The following PELP1 variants were observed in gnomAD, a reference collection of about 807,000 sequenced individuals.
PELP1 encodes the protein proline-, glutamic acid- and leucine-rich protein 1.
PELP1 carries 32 observed loss-of-function variants against 95.5 expected under a neutral mutation model. The observed-to-expected ratio is 0.34, with a 90% confidence interval of 0.25 to 0.45. PELP1 has a LOEUF of 0.45. Ranked by LOEUF, PELP1 falls within the 20% of genes least tolerant of loss-of-function variation. PELP1 has a pLI of 1.00. For missense variants in PELP1, 1,358 were observed against 1,444.8 expected, an observed-to-expected ratio of 0.94 and a Z score of 0.97; for synonymous variants, 668 against 600.1, an observed-to-expected ratio of 1.11 and a Z score of -1.65.
In PELP1 at chr17:4,671,428, G is replaced by T; in HGVS notation, c.*11C>A. 2 of 1,287,616 alleles carry T rather than the reference G, an allele frequency of 1.6e-6. No individual in the cohort carries two copies. Among genetic ancestry groups the T allele is most frequent in the Non-Finnish European group, 2.3e-6 (2 of 881,610 alleles). 79.8% of individuals were successfully genotyped at this position (1,287,616 alleles called of 1,614,324 possible). A position where few individuals can be genotyped will look rare whatever the true frequency, so the allele number is the denominator to read the frequency against. ...CTTTATTGGAAACAAAGAGTGGGGTGCAGAAGATGGCTAGGAGTCAGGCTC... is the reference window on the plus strand; with the variant it reads ...CTTTATTGGAAACAAAGAGTGGGGTTCAGAAGATGGCTAGGAGTCAGGCTC... On this transcript the variant is annotated 3_prime_UTR_variant, in exon 17 of 17. Transcript: ENST00000572293.
At chr17:4,696,336 A>G (rs1913296387) in intron 1 of PELP1, among the ~76,000 whole-genome samples, 1 of 152,194 alleles carries the variant, frequency 6.6e-6, no homozygotes, top group African/African-American at 2.4e-5. Flanking sequence ...CTGTCTCAAA[A>G]AAGAAAAATA....
intron 1 of PELP1, among the ~76,000 whole-genome samples, chr17:4,693,478 G>A (rs983289284): frequency 1.3e-5 from 2 of 152,160 alleles, no homozygotes; most frequent in South Asian, 4.1e-4. Context: ...CACAGTAAGA[G>A]ATTAACAACC....
At chr17:4,671,617 A>G in intron 16 of PELP1, 74 bp downstream of exon 16, 1 of 1,602,366 alleles carries the variant, frequency 6.2e-7, no homozygotes, top group Non-Finnish European at 8.5e-7. Context: ...CTCTCCTAAG[A>G]GAAGCAGCTG....
chr17:4,691,062 T>C, intron 2 of PELP1, 69 bp from the exon 3 acceptor site: 3 of 1,088,888 alleles, frequency 2.8e-6, no homozygotes, highest in Non-Finnish European at 4.2e-6. Context: ...ACTGCTCTTT[T>C]ATTCTCACTA....
At chr17:4,700,310 C>A (rs1913472254) in intron 1 of PELP1, among the ~76,000 whole-genome samples, 1 of 152,016 alleles carries the variant, frequency 6.6e-6, no homozygotes, top group African/African-American at 2.4e-5. Context: ...GAGGCTGAGG[C>A]AGGAAGATTT....
In PELP1 at chr17:4,704,091, A is replaced by G. The variant is rs1300796605; in HGVS notation, c.21T>C (p.Ser7=). The G allele has an allele frequency of 2.3e-5, 37 of 1,609,272 alleles. 1 individual carries two copies. The highest frequency in any genetic ancestry group is 2.9e-5 in the Non-Finnish European group (34 of 1,178,618). ...CAGCCGCGGAGCCCGCAGAGGGCCC[A>G]CTCAGAACGGCTGCCGCCATCTTCC... The part of the protein sequence containing the change: MAAAVL[S]GPSAGSAAGV... The change falls in exon 1 of 17, where the codon AGT becomes AGC. Residue 7 remains serine (S), a synonymous_variant. Transcript: ENST00000572293.
At chr17:4,695,398 C>T (rs7223678) in intron 1 of PELP1, among the ~76,000 whole-genome samples, 148,689 of 152,072 alleles carry the variant, frequency 0.98, 72,771 homozygotes, top group Middle Eastern at 1. Flanking sequence ...TGGCCAGGCA[C>T]GGTGGCCTAT....
intron 1 of PELP1, among the ~76,000 whole-genome samples, chr17:4,702,476 G>A (rs1472559504): frequency 6.6e-6 from 1 of 152,120 alleles, no homozygotes; most frequent in Non-Finnish European, 1.5e-5. Context: ...AAACCCCACT[G>A]TAATATAACT....
At chr17:4,688,700 G>A (rs537348275) in intron 3 of PELP1, among the ~76,000 whole-genome samples, 29 of 152,244 alleles carry the variant, frequency 1.9e-4, no homozygotes, top group African/African-American at 6.3e-4. Context: ...AATCACAGAC[G>A]ACACAAACAA....
intron 3 of PELP1, among the ~76,000 whole-genome samples, chr17:4,684,031 T>C (rs1045568199): frequency 3.3e-5 from 5 of 151,886 alleles, no homozygotes; most frequent in African/African-American, 9.7e-5. Flanking sequence ...GTGCCATCTC[T>C]TCGAGGTTGT....
At chr17:4,700,915 T>G in intron 1 of PELP1, among the ~76,000 whole-genome samples, 1 of 107,608 alleles carries the variant, frequency 9.3e-6, no homozygotes, top group African/African-American at 3.6e-5. Context: ...TGAGTTAGAG[T>G]AAGGCCCTAT....
chr17:4,672,055 G>A lies in PELP1; in HGVS notation c.2936C>T (p.Pro979Leu). Residue 979 changes from proline to leucine, a missense_variant, in exon 16 of 17, where the codon CCC (proline) becomes CTC (leucine). Coordinates refer to ENST00000572293, the MANE Select transcript of PELP1 (RefSeq NM_014389.3). Reference protein sequence around the residue: ...GGEVEEGAPPPPTLPPALPPP... With the variant: ...GGEVEEGAPPLPTLPPALPPP... ...AGGCAGAGCTGGAGGCAGGGTTGGGGGTGGAGGTGCACCTTCTTCTACCTC... is the reference window on the plus strand; with the variant it reads ...AGGCAGAGCTGGAGGCAGGGTTGGGAGTGGAGGTGCACCTTCTTCTACCTC... 6.4e-7 allele frequency: 1 copy of A among 1,564,544 alleles called. No homozygotes were observed. The highest frequency in any genetic ancestry group is 1.4e-5 in the African/African-American group (1 of 73,934).
intron 1 of PELP1, among the ~76,000 whole-genome samples, chr17:4,694,226 G>T (rs2150564312): frequency 6.6e-6 from 1 of 152,220 alleles, no homozygotes; most frequent in Non-Finnish European, 1.5e-5. Flanking sequence ...GGAGGGCTTG[G>T]TGGGCAATGG....
chr17:4,703,826 C>T (rs751434393), intron 1 of PELP1, 37 bp downstream of exon 1: 7 of 1,568,536 alleles, frequency 4.5e-6, no homozygotes, highest in African/African-American at 4.1e-5. Context: ...GCGCCATCCT[C>T]CCCACAGGGC....
At chr17:4,674,713 A>T (rs2150553826) in intron 12 of PELP1, 44 bp from the exon 13 acceptor site, 2 of 1,587,020 alleles carry the variant, frequency 1.3e-6, no homozygotes, top group East Asian at 4.5e-5. Context: ...GGCAAACAAC[A>T]AGGCAAGACA....
At chr17:4,688,615 A>G (rs1311268955) in intron 3 of PELP1, among the ~76,000 whole-genome samples, 2 of 152,186 alleles carry the variant, frequency 1.3e-5, no homozygotes, top group Non-Finnish European at 2.9e-5. Flanking sequence ...AAATAAAATA[A>G]AATACTTAGG....
chr17:4,686,919 T>C (rs566546844), intron 3 of PELP1, among the ~76,000 whole-genome samples: 21 of 152,176 alleles, frequency 1.4e-4, no homozygotes, highest in Non-Finnish European at 2.4e-4. Flanking sequence ...ACCCTTAGCA[T>C]GGTCTATAAG....
intron 1 of PELP1, among the ~76,000 whole-genome samples, chr17:4,694,219 G>A (rs979897833): frequency 1.8e-4 from 28 of 152,216 alleles, no homozygotes; most frequent in African/African-American, 6.5e-4. Flanking sequence ...CAGCCAGGGA[G>A]GGCTTGGTGG....
At position 4,675,599 on chromosome 17, in the gene PELP1, C is replaced by T. The variant is rs909629719; in HGVS notation, c.1068+198G>A. On this transcript the variant is annotated intron_variant, in intron 9 of 16. Coordinates refer to ENST00000572293, the MANE Select transcript of PELP1 (RefSeq NM_014389.3). This position sits in a 1 kb window ranked among gnomAD's most constrained non-coding sequence, Gnocchi z 4.3. Reference sequence around the variant, plus strand: ...GCTGATCCCCAAATTCACCCTCCCCCAAGGAAGCATTTGCTACACTCTGAC... The same window carrying T: ...GCTGATCCCCAAATTCACCCTCCCCTAAGGAAGCATTTGCTACACTCTGAC... The T allele has an allele frequency of 5.6e-6, 4 of 710,400 alleles. No homozygotes were observed. In the African/African-American group the frequency reaches 7.0e-5, roughly 12 times the overall value. The allele number at this position is 710,400 out of a possible 1,614,324, so 44.0% of individuals were successfully genotyped here.
Sources: gnomAD v4.1 joint callset for allele counts (sites outside exome capture counted in the v4.1 genomes callset) on GRCh38, gnomAD v4.1.1 for gene constraint, Gnocchi (gnomAD v3.1) non-coding constraint, MANE v1.5 for transcripts, NCBI Gene and HGNC (gene_info 2026-07-23, HGNC 2026-07-21) for gene names.